Variants in SDK1 observed in about 807,000 individuals in gnomAD.
The protein encoded by SDK1 is sidekick cell adhesion molecule 1, also known as protein sidekick-1.
A neutral mutation model predicts 245.5 loss-of-function variants in SDK1; 157 were observed. The ratio of observed to expected loss-of-function variants is 0.64; its 90% confidence interval spans 0.56 to 0.73. The LOEUF is 0.73. SDK1 is among the 30% of genes least tolerant of loss of function. SDK1 has a pLI of 0.00. For synonymous variants in SDK1, 1,647 were observed against 1,278.5 expected (o/e 1.29, Z -6.15); for missense variants, 3,583 against 3,002.3 (o/e 1.19, Z -4.52).
intron 4 of SDK1, among the ~76,000 whole-genome samples, chr7:3,748,290 T>A (rs1583370557): frequency 6.6e-6 from 1 of 152,244 alleles, no homozygotes; most frequent in African/African-American, 2.4e-5. Flanking sequence ...TGCTTTTTTA[T>A]AGTTCCTTTA....
chr7:3,470,433 C>T (rs1583906200), intron 1 of SDK1, among the ~76,000 whole-genome samples: 1 of 152,012 alleles, frequency 6.6e-6, no homozygotes, highest in African/African-American at 2.4e-5. Flanking sequence ...TGTAATCAAA[C>T]AATTTAATTT....
At chr7:4,261,353 C>T (rs1384046954) in intron 44 of SDK1, among the ~76,000 whole-genome samples, 1 of 152,186 alleles carries the variant, frequency 6.6e-6, no homozygotes, top group East Asian at 1.9e-4. Context: ...TGTGGACCTC[C>T]TGCAAAATTA....
chr7:3,568,520 A>G lies in SDK1; in HGVS notation c.299-50560A>G, dbSNP rs1359862701. The stretch of plus-strand genomic sequence containing the variant: ...TTAACATTCAAGAAGTTTTTGTCAA[A>G]TTGAATTCCCTCCTTCCCCCTTGGT... On this transcript the variant is annotated intron_variant, in intron 1 of 44. Transcript: ENST00000404826. Among the ~76,000 whole-genome samples the G allele has an allele frequency of 2.0e-5, 3 of 152,182 alleles. No homozygotes were observed. In the South Asian group the frequency reaches 6.2e-4, roughly 32 times the overall value.
chr7:3,660,829 G>C (rs936216878), intron 4 of SDK1, among the ~76,000 whole-genome samples: 2 of 152,168 alleles, frequency 1.3e-5, no homozygotes, highest in African/African-American at 4.8e-5. Flanking sequence ...ATCTTTGAGA[G>C]CATGAATCTT....
intron 5 of SDK1, among the ~76,000 whole-genome samples, chr7:3,919,077 A>G (rs920721503): frequency 6.6e-6 from 1 of 152,258 alleles, no homozygotes; most frequent in Non-Finnish European, 1.5e-5. Context: ...TATCACTAAT[A>G]TAATTACTAT....
chr7:3,461,175 C>T (rs886449748), intron 1 of SDK1, among the ~76,000 whole-genome samples: 2 of 152,112 alleles, frequency 1.3e-5, no homozygotes, highest in African/African-American at 4.8e-5. Flanking sequence ...TGTGCAGACC[C>T]TAGGACCCAG....
At chr7:3,499,217 T>G (rs747641578) in intron 1 of SDK1, among the ~76,000 whole-genome samples, 20 of 152,216 alleles carry the variant, frequency 1.3e-4, no homozygotes, top group Non-Finnish European at 8.8e-5. Flanking sequence ...TCGACATCTT[T>G]CCGGATTCAT....
chr7:3,341,274 T>G (rs1485333169), intron 1 of SDK1, among the ~76,000 whole-genome samples: 3 of 152,174 alleles, frequency 2.0e-5, no homozygotes, highest in African/African-American at 7.2e-5. Flanking sequence ...ATCTATCAGT[T>G]GACCTATAAA....
intron 5 of SDK1, among the ~76,000 whole-genome samples, chr7:3,848,693 C>T (rs1310734753): frequency 6.6e-6 from 1 of 151,172 alleles, no homozygotes; most frequent in African/African-American, 2.4e-5. Context: ...TTTTCTGAGA[C>T]AGTGTATTGC....
chr7:3,768,654 A>G (rs2114997496), intron 4 of SDK1, among the ~76,000 whole-genome samples: 1 of 152,312 alleles, frequency 6.6e-6, no homozygotes, highest in South Asian at 2.1e-4. Context: ...TATTGTCAGA[A>G]GTTTTCACGT....
chr7:3,498,722 A>G (rs1441104811), intron 1 of SDK1, among the ~76,000 whole-genome samples: 1 of 145,864 alleles, frequency 6.9e-6, no homozygotes, highest in African/African-American at 2.5e-5. Flanking sequence ...TGTTGCCTGT[A>G]GGCCTCATCT....
intron 1 of SDK1, among the ~76,000 whole-genome samples, chr7:3,461,953 C>CA (rs1384355760): frequency 6.6e-6 from 1 of 152,156 alleles, no homozygotes; most frequent in East Asian, 1.9e-4. Context: ...GGCATTTAAG[C>CA]ATGTTCAAGA....
intron 1 of SDK1, among the ~76,000 whole-genome samples, chr7:3,445,057 T>C (rs1780305341): frequency 6.6e-6 from 1 of 152,220 alleles, no homozygotes; most frequent in African/African-American, 2.4e-5. Context: ...GGTGTATTTA[T>C]TTTCTTAAAA....
At chr7:3,826,216 T>G (rs967150658) in intron 5 of SDK1, among the ~76,000 whole-genome samples, 3 of 152,208 alleles carry the variant, frequency 2.0e-5, no homozygotes, top group Non-Finnish European at 4.4e-5. Context: ...TTACTCCTTA[T>G]GCATGAACAC....
intron 1 of SDK1, among the ~76,000 whole-genome samples, chr7:3,351,951 A>T (rs1006126872): frequency 6.6e-6 from 1 of 152,104 alleles, no homozygotes; most frequent in African/African-American, 2.4e-5. Flanking sequence ...CACATGGAGC[A>T]TCTGACATTG....
chr7:3,911,369 A>G (rs534993864), intron 5 of SDK1, among the ~76,000 whole-genome samples: 4 of 152,300 alleles, frequency 2.6e-5, no homozygotes, highest in African/African-American at 9.6e-5. Flanking sequence ...CTTGTCAGCA[A>G]CAGAAACTTA....
intron 35 of SDK1, among the ~76,000 whole-genome samples, chr7:4,197,545 C>T (rs568979587): frequency 1.5e-4 from 23 of 152,286 alleles, no homozygotes; most frequent in Admixed American, 7.2e-4. Flanking sequence ...ATGGATGCTT[C>T]GCGGTCAAGG....
At chr7:3,955,418 C>G (rs1562568254) in intron 7 of SDK1, among the ~76,000 whole-genome samples, 1 of 152,186 alleles carries the variant, frequency 6.6e-6, no homozygotes, top group Non-Finnish European at 1.5e-5. Context: ...TTGGGCCCAC[C>G]CAGCGAATCC....
chr7:4,245,695 C>T lies in SDK1; in HGVS notation c.6271C>T (p.Pro2091Ser), dbSNP rs1464020520. Residue 2091 changes from proline (P) to serine (S), a missense_variant, in exon 44 of 45, where the codon CCC (proline) becomes TCC (serine). Physicochemically the swap from Pro to Ser is moderately conservative, Grantham distance 74. Transcript: ENST00000404826. ...TCCTAGGTCCCCACCCCGGCCTAGC[C>T]CCGGCGGCCTGCACTACTCAGACGA... ...NGTRSPPRPS[P>S]GGLHYSDEDI... The T allele has an allele frequency of 1.9e-6, 3 of 1,613,946 alleles. No individual in the cohort carries two copies. The highest frequency in any genetic ancestry group is 1.7e-5 in the Admixed American group (1 of 59,994).
Sources: allele counts gnomAD v4.1 joint callset (sites outside exome capture counted in the v4.1 genomes callset), GRCh38; gene constraint gnomAD v4.1.1; transcripts MANE v1.5; gene names NCBI Gene and HGNC (gene_info 2026-07-23, HGNC 2026-07-21).